MTOR: variants seen among roughly 807,000 people sequenced by gnomAD.
MTOR encodes mechanistic target of rapamycin kinase, also known as serine/threonine-protein kinase mTOR.
In MTOR, 70 loss-of-function variants were observed where a neutral mutation model predicts 319.8. The observed-to-expected ratio is 0.22, with a 90% CI of 0.18 to 0.27. The LOEUF (loss-of-function observed/expected upper bound fraction) is 0.27. Ranked by LOEUF, MTOR falls within the 10% of genes least tolerant of loss-of-function variation. The probability of loss-of-function intolerance (pLI) is 1.00; values close to 1 mark genes in which losing one functional copy is unlikely to be tolerated. For synonymous variants in MTOR, 1,183 were observed against 1,211.4 expected (o/e 0.98, Z 0.49); for missense variants, 1,890 against 3,274.4 (o/e 0.58, Z 10.32).
rs368941866 is a variant in MTOR at position 11,127,005 on chromosome 1, C to A, written c.6351+5G>T. 1.9e-6 allele frequency: 3 copies of A among 1,613,858 alleles called. No homozygotes were observed. The highest frequency in any genetic ancestry group is 2.5e-6 in the Non-Finnish European group (3 of 1,179,984). On this transcript the variant is annotated splice_donor_5th_base_variant and intron_variant, in intron 45 of 57. Coordinates refer to ENST00000361445, the MANE Select transcript of MTOR (RefSeq NM_004958.4). The surrounding 1 kb of genome is among the most constrained non-coding windows in gnomAD (Gnocchi z 5.5). ...TTAACCCTGCCAGGAGCCTGAAGATCCTACCTGAGGCAGCTGCTTTGAGAT... is the reference window on the plus strand; with the variant it reads ...TTAACCCTGCCAGGAGCCTGAAGATACTACCTGAGGCAGCTGCTTTGAGAT...
At chr1:11,166,648 A>G (rs1368566529) in intron 29 of MTOR, among the ~76,000 whole-genome samples, 1 of 152,246 alleles carries the variant, frequency 6.6e-6, no homozygotes, top group African/African-American at 2.4e-5. Context: ...TGTTGGTGGG[A>G]CTGTAAACTA....
chr1:11,226,393 C>T (rs1234396567), intron 19 of MTOR: 2 of 151,988 alleles, frequency 1.3e-5, no homozygotes, highest in South Asian at 2.1e-4. Flanking sequence ...AAGATATCTA[C>T]CAAAAAGCTA....
intron 36 of MTOR, among the ~76,000 whole-genome samples, chr1:11,136,624 C>CA (rs1643430830): frequency 6.6e-6 from 1 of 152,028 alleles, no homozygotes; most frequent in African/African-American, 2.4e-5. Context: ...CTCAGCCTCC[C>CA]AGTAGCTGAA....
chr1:11,205,145 G>C (rs1298532207), intron 25 of MTOR, among the ~76,000 whole-genome samples: 4 of 152,232 alleles, frequency 2.6e-5, no homozygotes, highest in African/African-American at 9.7e-5. Flanking sequence ...CAGGTGAGCA[G>C]TGAGCCCAAA....
chr1:11,207,901 CTTTCT>C (rs1646191150), intron 25 of MTOR, among the ~76,000 whole-genome samples: 1 of 152,148 alleles, frequency 6.6e-6, no homozygotes, highest in Non-Finnish European at 1.5e-5. Flanking sequence ...AACTAAGAGT[CTTTCT>C]TTTGTCTATC....
Position 11,109,461 on chromosome 1 carries a change from G to T in MTOR, c.7448-91C>A. ...CTGTTTTTCTCAAATATTCACTTTT[G>T]TAAGTGTTAAGCAATCCTTCCTCTA... On this transcript the variant is annotated intron_variant, in intron 55 of 57. Coordinates refer to ENST00000361445, the MANE Select transcript of MTOR (RefSeq NM_004958.4). This position sits in a 1 kb window ranked among gnomAD's most constrained non-coding sequence, Gnocchi z 4.0. The T allele has an allele frequency of 2.3e-6, 3 of 1,321,704 alleles. No individual in the cohort carries two copies. The highest frequency in any genetic ancestry group is 3.2e-6 in the Non-Finnish European group (3 of 927,016). 81.9% of individuals were successfully genotyped at this position (1,321,704 alleles called of 1,614,324 possible). A position where few individuals can be genotyped will look rare whatever the true frequency, so the allele number is the denominator to read the frequency against.
chr1:11,124,223 C>A (rs1642697524), intron 47 of MTOR, among the ~76,000 whole-genome samples: 1 of 152,194 alleles, frequency 6.6e-6, no homozygotes, highest in Non-Finnish European at 1.5e-5. Context: ...AGCCACCATG[C>A]CCAGCCTTTT....
chr1:11,193,347 C>T (rs1645625700), intron 28 of MTOR, among the ~76,000 whole-genome samples: 2 of 151,964 alleles, frequency 1.3e-5, no homozygotes, highest in African/African-American at 4.8e-5. Context: ...TCCCTCCAAG[C>T]TTCATGTGCA....
intron 25 of MTOR, among the ~76,000 whole-genome samples, 161 bp downstream of exon 25, chr1:11,209,151 G>A (rs113539652): frequency 1.3e-5 from 2 of 152,276 alleles, no homozygotes; most frequent in African/African-American, 2.4e-5. Flanking sequence ...TACAATTTAG[G>A]CACCTGTAAA....
intron 56 of MTOR, among the ~76,000 whole-genome samples, chr1:11,108,932 G>C (rs1407940081): frequency 1.3e-5 from 2 of 152,024 alleles, no homozygotes; most frequent in African/African-American, 4.8e-5. Context: ...AGGTTGCAGT[G>C]AGCCAAGATG....
At chr1:11,160,161 A>C (rs191871963) in intron 29 of MTOR, among the ~76,000 whole-genome samples, 169 of 151,824 alleles carry the variant, frequency 1.1e-3, no homozygotes, top group Admixed American at 1.8e-3. Flanking sequence ...AGTGCAATGG[A>C]ACAATCTCAG....
At position 11,228,896 on chromosome 1, in the gene MTOR, C is replaced by A. The variant is rs755958687; in HGVS notation, c.2802G>T (p.Met934Ile). The A allele has an allele frequency of 1.9e-6, 3 of 1,614,014 alleles. No homozygotes were observed. The African/African-American group carries it at 4.0e-5, about 22-fold the overall frequency. ...QDSSDYSTSE[M>I]LVNMGNLPLD... ...GAGGCAAGTTTCCCATGTTGACCAGCATTTCACTAGTGCTATAGTCAGCTA... is the reference window on the plus strand; with the variant it reads ...GAGGCAAGTTTCCCATGTTGACCAGAATTTCACTAGTGCTATAGTCAGCTA... The change falls in exon 19 of 58, where the codon ATG becomes ATT. Residue 934 changes from methionine to isoleucine, a missense_variant. Around this residue, in one of 15 missense-constraint regions of MTOR, gnomAD observed 377 missense variants for 653.9 expected, o/e 0.58. Coordinates refer to ENST00000361445, the MANE Select transcript of MTOR (RefSeq NM_004958.4).
intron 54 of MTOR, among the ~76,000 whole-genome samples, chr1:11,112,168 T>G (rs1262515211): frequency 6.6e-6 from 1 of 152,204 alleles, no homozygotes; most frequent in East Asian, 1.9e-4. Flanking sequence ...AGAAACACTG[T>G]TCCATGTGGT....
In MTOR at chr1:11,138,591, T is replaced by C. The variant is rs1557764755; in HGVS notation, c.5130+713A>G. Among the ~76,000 whole-genome samples the C allele has an allele frequency of 2.0e-5, 3 of 152,280 alleles. No individual in the cohort carries two copies. The South Asian group carries it at 6.2e-4, about 32-fold the overall frequency. ...CTCCAGTGGCTGGGTTTTATTCCTC[T>C]CTCATCTCAGGTACTTCACTGTGGG... On this transcript the variant is annotated intron_variant, in intron 36 of 57. Transcript: ENST00000361445.
chr1:11,133,631 G>A lies in MTOR; in HGVS notation c.5247-434C>T, dbSNP rs890921163. On this transcript the variant is annotated intron_variant, in intron 37 of 57. Coordinates refer to ENST00000361445, the MANE Select transcript of MTOR (RefSeq NM_004958.4). The surrounding 1 kb of genome is among the most constrained non-coding windows in gnomAD (Gnocchi z 4.0). ...CTGTATTCCAAGTGCTGCTTGAAAT[G>A]CTTGGCATTGTACTCTTTGCATTAA... 8.5e-5 allele frequency among the ~76,000 whole-genome samples: 13 copies of A among 152,176 alleles called. No individual in the cohort carries two copies. The highest frequency in any genetic ancestry group is 7.2e-4 in the Admixed American group (11 of 15,284).
At chr1:11,243,407 A>C in intron 8 of MTOR, 107 bp from the exon 9 acceptor site, 1 of 1,095,346 alleles carries the variant, frequency 9.1e-7, no homozygotes. Flanking sequence ...AAATTAAGAA[A>C]GTGGCCAGGC....
chr1:11,191,633 G>A (rs1442120029), intron 28 of MTOR, among the ~76,000 whole-genome samples: 1 of 152,144 alleles, frequency 6.6e-6, no homozygotes, highest in Non-Finnish European at 1.5e-5. Flanking sequence ...TGGCCCTAGA[G>A]TAAAAAAACT....
chr1:11,107,071 A>T lies in MTOR; in HGVS notation c.*414T>A, dbSNP rs1232509234. ...AGGATCCTAATCCATGTTCTCCACG[A>T]CCTGAGGCTTCTTGGCTGTGCTGAG... On this transcript the variant is annotated 3_prime_UTR_variant, in exon 58 of 58. Coordinates refer to ENST00000361445, the MANE Select transcript of MTOR (RefSeq NM_004958.4). 5 of 1,372,618 alleles carry T rather than the reference A, an allele frequency of 3.6e-6. No homozygotes were observed. The Admixed American group carries it at 6.5e-5, about 18-fold the overall frequency. 85.0% of individuals were successfully genotyped at this position (1,372,618 alleles called of 1,614,324 possible).
intron 6 of MTOR, among the ~76,000 whole-genome samples, chr1:11,248,489 T>C (rs1649142750): frequency 1.3e-5 from 2 of 152,304 alleles, no homozygotes; most frequent in South Asian, 4.1e-4. Flanking sequence ...GACTGTCTGA[T>C]CTCTTTCTTC....
Sources: allele counts gnomAD v4.1 joint callset (sites outside exome capture counted in the v4.1 genomes callset), GRCh38; gene constraint gnomAD v4.1.1; regional missense constraint gnomAD v4.1.1; non-coding constraint Gnocchi (gnomAD v3.1); transcripts MANE v1.5; gene names NCBI Gene and HGNC (gene_info 2026-07-23, HGNC 2026-07-21).